The following EPB41L3 variants were observed in gnomAD, a reference collection of about 807,000 sequenced individuals.
The protein encoded by EPB41L3 is band 4.1-like protein 3.
EPB41L3 carries 57 observed loss-of-function variants against 127.1 expected under a neutral mutation model. The observed-to-expected ratio is 0.45, with a 90% confidence interval of 0.36 to 0.56. EPB41L3 has a LOEUF of 0.56. Among genes scored for constraint, EPB41L3 ranks in the 20% least tolerant of loss-of-function variants. EPB41L3 has a pLI of 0.00. For synonymous variants in EPB41L3, 572 were observed against 549.5 expected (o/e 1.04, Z -0.57); for missense variants, 1,273 against 1,372.2 (o/e 0.93, Z 1.14).
chr18:5,529,926 A>ATG (rs762060217), intron 1 of EPB41L3, among the ~76,000 whole-genome samples: 6 of 91,506 alleles, frequency 6.6e-5, no homozygotes, highest in African/African-American at 1.7e-4. Flanking sequence ...ATCAACTCAT[A>ATG]TATGTGTGTG....
intron 1 of EPB41L3, among the ~76,000 whole-genome samples, chr18:5,508,686 G>A (rs921260616): frequency 6.9e-6 from 1 of 145,608 alleles, no homozygotes; most frequent in African/African-American, 2.6e-5. Flanking sequence ...AGAATCACTT[G>A]AACCTGGGAG....
rs2087628757 is a variant in EPB41L3 at position 5,478,152 on chromosome 18, GA to G, written c.381+88del. ...GTTTGAGTAATTTTCCAGAGTCCTA[GA>G]AAAATAAAGAGGCATCTTGTATATT... On this transcript the variant is annotated intron_variant, in intron 3 of 22. Transcript: ENST00000341928. 9 of 1,197,622 alleles carry G rather than the reference GA, an allele frequency of 7.5e-6. No individual in the cohort carries two copies. The South Asian group carries it at 1.0e-4, about 13-fold the overall frequency. 74.2% of individuals were successfully genotyped at this position (1,197,622 alleles called of 1,614,324 possible).
intron 3 of EPB41L3, among the ~76,000 whole-genome samples, chr18:5,579,311 T>C (rs770977444): frequency 3.9e-5 from 6 of 152,192 alleles, no homozygotes; most frequent in Non-Finnish European, 7.3e-5. Flanking sequence ...ACAAGGAAAT[T>C]GCCAAATGGT....
At chr18:5,424,095 A>AATTTAGTC (rs1382213237) in intron 10 of EPB41L3, among the ~76,000 whole-genome samples, 167 bp downstream of exon 10, 1 of 152,188 alleles carries the variant, frequency 6.6e-6, no homozygotes, top group African/African-American at 2.4e-5. Context: ...AAATCCTTCA[A>AATTTAGTC]ATTTAGTCTT....
In EPB41L3 at chr18:5,538,995, ATTTTTTT is replaced by A. The variant is rs757227800; in HGVS notation, c.-12+4911_-12+4917del. ...CAGTGCTTTTTAAGCTTTCTCCAAG[ATTTTTTT>A]TTTTTTTTTTTTTTTTGGTAGTAAA... On this transcript the variant is annotated intron_variant, in intron 1 of 22. Coordinates refer to ENST00000341928, the MANE Select transcript of EPB41L3 (RefSeq NM_012307.5). 1.2e-3 allele frequency among the ~76,000 whole-genome samples: 143 copies of A among 115,196 alleles called. 1 individual carries two copies. Among genetic ancestry groups the A allele is most frequent in the Admixed American group, 2.8e-3 (31 of 11,024 alleles). The allele number at this position is 115,196 out of a possible 152,430, so 75.6% of individuals were successfully genotyped here. A position where few individuals can be genotyped will look rare whatever the true frequency, so the allele number is the denominator to read the frequency against.
intron 1 of EPB41L3, among the ~76,000 whole-genome samples, chr18:5,542,622 C>T (rs1238542012): frequency 2.0e-5 from 3 of 152,198 alleles, no homozygotes; most frequent in African/African-American, 4.8e-5. Context: ...CCAGCCCAAC[C>T]TCCACAAGTA....
intron 2 of EPB41L3, among the ~76,000 whole-genome samples, chr18:5,481,827 C>T (rs2088599876): frequency 6.6e-6 from 1 of 152,182 alleles, no homozygotes; most frequent in South Asian, 2.1e-4. Flanking sequence ...TTACGAGAGC[C>T]AAGGTGATCT....
chr18:5,585,165 C>T (rs1380449827), intron 3 of EPB41L3, among the ~76,000 whole-genome samples: 1 of 152,172 alleles, frequency 6.6e-6, no homozygotes, highest in East Asian at 1.9e-4. Flanking sequence ...TCCAATTTTT[C>T]TGATTGGAAT....
At chr18:5,409,222 C>T (rs1168013167) in intron 14 of EPB41L3, among the ~76,000 whole-genome samples, 1 of 152,108 alleles carries the variant, frequency 6.6e-6, no homozygotes, top group Non-Finnish European at 1.5e-5. Context: ...TATTTTTAAG[C>T]TTCAAAGCCT....
At chr18:5,619,877 C>T (rs970794744) in intron 1 of EPB41L3, among the ~76,000 whole-genome samples, 1 of 151,996 alleles carries the variant, frequency 6.6e-6, no homozygotes, top group Non-Finnish European at 1.5e-5. Context: ...CCAGGTAACA[C>T]GGTAAACAGT....
chr18:5,504,854 T>C (rs1346504653), intron 1 of EPB41L3, among the ~76,000 whole-genome samples: 1 of 152,166 alleles, frequency 6.6e-6, no homozygotes, highest in Non-Finnish European at 1.5e-5. Flanking sequence ...CAGTCATGAA[T>C]GACCCAATGA....
rs946475089 is a variant in EPB41L3, at chr18:5,468,892, G to A, written c.381+9349C>T. ...GATCATGCCATTGCACTTCAGCCTG[G>A]GCGACAGAGAGACTCCATCTCAAAA... is the stretch of plus-strand genomic sequence containing the variant. On this transcript the variant is annotated intron_variant, in intron 3 of 22. Coordinates refer to ENST00000341928, the MANE Select transcript of EPB41L3 (RefSeq NM_012307.5). Among the ~76,000 whole-genome samples, 8 of 152,022 alleles carry A rather than the reference G, an allele frequency of 5.3e-5. 1 individual carries two copies. Among genetic ancestry groups the A allele is most frequent in the Admixed American group, 4.6e-4 (7 of 15,266 alleles).
chr18:5,396,917 G>A (rs371572965), intron 18 of EPB41L3, 141 bp downstream of exon 18: 17 of 891,166 alleles, frequency 1.9e-5, no homozygotes, highest in Middle Eastern at 3.5e-4. Context: ...AGGTATGAAA[G>A]AAGGAAATGA....
chr18:5,501,623 TAAGTGTTCACAATAG>T (rs1294068889), intron 1 of EPB41L3, among the ~76,000 whole-genome samples: 14 of 151,910 alleles, frequency 9.2e-5, no homozygotes, highest in African/African-American at 2.9e-4. Context: ...ATTAATTAAC[TAAGTGTTCACAATAG>T]AATTTATCAC....
In EPB41L3 at chr18:5,416,343, T is replaced by C. The variant is rs763448311; in HGVS notation, c.1542A>G (p.Ser514=). 6 of 1,612,860 alleles carry C rather than the reference T, an allele frequency of 3.7e-6. No homozygotes were observed. The South Asian group carries it at 5.5e-5, about 15-fold the overall frequency. The stretch of plus-strand genomic sequence containing the variant: ...TGGGGGCACAATGGGTGGATGGGGG[T>C]GACAAGGGACATGAGTCAGTGCCAA... ...PGLGTDSCPL[S]PPSTHCAPTS... is the part of the protein sequence containing the mutation. The change falls in exon 13 of 23, where the codon TCA becomes TCG. Residue 514 remains serine, a synonymous_variant. Transcript: ENST00000341928.
chr18:5,413,489 A>C lies in EPB41L3; in HGVS notation c.2067+2329T>G, dbSNP rs144430421. Reference sequence around the variant, plus strand: ...CAATGATGATACAATATTTAAAAAGAATTAATTAGTAGTGACTTGGCAAAA... The same window carrying C: ...CAATGATGATACAATATTTAAAAAGCATTAATTAGTAGTGACTTGGCAAAA... On this transcript the variant is annotated intron_variant, in intron 13 of 22. Coordinates refer to ENST00000341928, the MANE Select transcript of EPB41L3 (RefSeq NM_012307.5). Among the ~76,000 whole-genome samples, 195 of 152,352 alleles carry C rather than the reference A, an allele frequency of 1.3e-3. 2 individuals are homozygous for C. The highest frequency in any genetic ancestry group is 4.6e-3 in the African/African-American group (191 of 41,578).
At chr18:5,428,550 A>G (rs149248224) in intron 8 of EPB41L3, 85 bp from the exon 9 acceptor site, 1 of 1,502,184 alleles carries the variant, frequency 6.7e-7, no homozygotes, top group Admixed American at 1.8e-5. Flanking sequence ...CATCCACGAC[A>G]GAAACTATAA....
Position 5,595,265 on chromosome 18 carries a change from G to A in EPB41L3, c.-306+17075C>T, listed in dbSNP as rs143431098. On this transcript the variant is annotated intron_variant, in intron 3 of 21. Coordinates refer to the EPB41L3 transcript ENST00000545076. Reference sequence around the variant, plus strand: ...TTGACAACTGTCCATGTTAAAATAAGTGCAGAAGGAAAGATTCCACTTCAT... The same window carrying A: ...TTGACAACTGTCCATGTTAAAATAAATGCAGAAGGAAAGATTCCACTTCAT... Among the ~76,000 whole-genome samples the A allele has an allele frequency of 3.3e-3, 495 of 152,278 alleles. 4 individuals carry two copies. Among genetic ancestry groups the A allele is most frequent in the African/African-American group, 0.011 (474 of 41,556 alleles).
upstream of EPB41L3, chr18:5,544,238 C>T: frequency 9.1e-6 from 9 of 985,698 alleles, no homozygotes; most frequent in Non-Finnish European, 1.1e-5. Context: ...GCTCCGCGGA[C>T]GACGCCTGGA....
Sources: gnomAD v4.1 joint callset for allele counts (sites outside exome capture counted in the v4.1 genomes callset) on GRCh38, gnomAD v4.1.1 for gene constraint, MANE v1.5 for transcripts, NCBI Gene and HGNC (gene_info 2026-07-23, HGNC 2026-07-21) for gene names.